Variants in BDH2 observed in about 807,000 individuals in gnomAD.
The protein encoded by BDH2 is dehydrogenase/reductase SDR family member 6.
BDH2 carries 24 observed loss-of-function variants against 33.2 expected under a neutral mutation model. That is an observed-to-expected ratio of 0.72 (90% CI 0.52 to 1.02). The LOEUF (loss-of-function observed/expected upper bound fraction) is 1.02. Among genes scored for constraint, BDH2 ranks in the 50% least tolerant of loss-of-function variants. The probability of loss-of-function intolerance (pLI) is 0.00; values close to 1 mark genes in which losing one functional copy is unlikely to be tolerated. For missense variants in BDH2, 249 were observed against 301.6 expected (o/e 0.83, Z 1.29); for synonymous variants, 81 against 101.6 (o/e 0.80, Z 1.22).
intron 3 of BDH2, among the ~76,000 whole-genome samples, chr4:103,093,544 T>C (rs1022623317): frequency 4.2e-4 from 63 of 149,088 alleles, no homozygotes; most frequent in Non-Finnish European, 8.3e-4. Context: ...ATATTATTTA[T>C]AATGTGCATA....
rs79440960 is a variant in BDH2 at position 103,082,941 on chromosome 4, G to C, written c.533-12C>G. 8.8e-5 allele frequency: 141 copies of C among 1,609,350 alleles called. No individual in the cohort carries two copies. In the East Asian group the frequency reaches 3.0e-3, roughly 34 times the overall value. ...CGTATCAACTGTTCCTAAATCAAAG[G>C]GGGATATTCAGCTTGGTTACTCACT... is the stretch of plus-strand genomic sequence containing the variant. On this transcript the variant is annotated splice_polypyrimidine_tract_variant and intron_variant, in intron 7 of 9. Transcript: ENST00000296424.
chr4:103,090,946 C>A (rs1272737386), intron 5 of BDH2, among the ~76,000 whole-genome samples: 1 of 152,160 alleles, frequency 6.6e-6, no homozygotes, highest in Non-Finnish European at 1.5e-5. Context: ...GTCTTCTGTG[C>A]CTAGAATGGA....
rs1182676600 is a variant in BDH2, at chr4:103,082,874, T to C, written c.588A>G (p.Glu196=). 6.2e-7 allele frequency: 1 copy of C among 1,609,222 alleles called. No homozygotes were observed. The highest frequency in any genetic ancestry group is 8.5e-7 in the Non-Finnish European group (1 of 1,175,678). Residue 196 remains glutamate (E), a synonymous_variant, in exon 8 of 10, where the codon GAA becomes GAG. Coordinates refer to ENST00000296424, the MANE Select transcript of BDH2 (RefSeq NM_020139.4). ...ACATTTTAAATGCTAGATGTACCTC[T>C]TCAGGATTTCCTCTGGCTTGTATTC... ...QERIQARGNP[E]EARNDFLKRQ...
intron 1 of BDH2, 87 bp from the exon 2 acceptor site, chr4:103,096,361 C>A: frequency 1.2e-6 from 1 of 800,086 alleles, no homozygotes; most frequent in Admixed American, 2.3e-5. Flanking sequence ...TCAGTGTGCT[C>A]TTTTAAGAAT....
chr4:103,080,387 A>G (rs1747448858), intron 9 of BDH2, among the ~76,000 whole-genome samples: 1 of 152,234 alleles, frequency 6.6e-6, no homozygotes, highest in African/African-American at 2.4e-5. Context: ...GTTTATTCCC[A>G]TAAATTTTTC....
chr4:103,079,837 T>A, intron 9 of BDH2, 82 bp from the exon 10 acceptor site: 1 of 1,291,976 alleles, frequency 7.7e-7, no homozygotes, highest in Non-Finnish European at 1.1e-6. Context: ...GTGACTAGGA[T>A]AACTAAACAA....
intron 3 of BDH2, among the ~76,000 whole-genome samples, chr4:103,092,897 C>T (rs552998395): frequency 9.2e-5 from 14 of 152,070 alleles, no homozygotes; most frequent in Non-Finnish European, 1.6e-4. Flanking sequence ...ATAACCCATC[C>T]GTCCCTCTTC....
intron 3 of BDH2, among the ~76,000 whole-genome samples, chr4:103,094,508 T>C (rs1278362320): frequency 6.6e-6 from 1 of 152,148 alleles, no homozygotes; most frequent in Non-Finnish European, 1.5e-5. Flanking sequence ...TCACAAGGTA[T>C]TTTACAACAT....
At position 103,078,793 on chromosome 4, in the gene BDH2, T is replaced by C. The variant is rs1747367580; in HGVS notation, c.*909A>G. On this transcript the variant is annotated 3_prime_UTR_variant, in exon 10 of 10. Transcript: ENST00000296424. ...TTATTATTTAGGTACAGGGTCTTGC[T>C]CTGTCACCCTGGAGTGCAGTGGCAT... 6.6e-6 allele frequency among the ~76,000 whole-genome samples: 1 copy of C among 152,128 alleles called. No individual in the cohort carries two copies. The highest frequency in any genetic ancestry group is 2.4e-5 in the African/African-American group (1 of 41,376).
intron 3 of BDH2, among the ~76,000 whole-genome samples, chr4:103,093,511 G>A (rs981344900): frequency 1.3e-5 from 2 of 150,710 alleles, no homozygotes; most frequent in Non-Finnish European, 1.5e-5. Flanking sequence ...AAAAGCAGCA[G>A]TCATCATTAT....
chr4:103,089,669 C>G (rs1339211683), intron 5 of BDH2, among the ~76,000 whole-genome samples: 2 of 152,166 alleles, frequency 1.3e-5, no homozygotes, highest in Non-Finnish European at 2.9e-5. Context: ...GCAAATGAGT[C>G]TCATGCATGT....
intron 3 of BDH2, 102 bp from the exon 4 acceptor site, chr4:103,092,798 A>G: frequency 6.1e-6 from 5 of 814,016 alleles, no homozygotes; most frequent in Non-Finnish European, 4.2e-6. Context: ...CTATCCAGCT[A>G]GGCTTCATAG....
At chr4:103,093,312 A>T (rs1748201805) in intron 3 of BDH2, among the ~76,000 whole-genome samples, 1 of 151,924 alleles carries the variant, frequency 6.6e-6, no homozygotes, top group South Asian at 2.1e-4. Context: ...ATTTATTAGA[A>T]ATGACTCTGT....
At chr4:103,080,627 C>A (rs927592098) in intron 9 of BDH2, among the ~76,000 whole-genome samples, 1 of 152,306 alleles carries the variant, frequency 6.6e-6, no homozygotes, top group South Asian at 2.1e-4. Context: ...CAAAGAAATA[C>A]CTCCAACTCC....
Position 103,095,271 on chromosome 4 carries a change from CT to C in BDH2, c.82del (p.Arg28GlufsTer7), listed in dbSNP as rs1190631319. The C allele has an allele frequency of 1.2e-6, 2 of 1,613,422 alleles. No homozygotes were observed. Among genetic ancestry groups the C allele is most frequent in the South Asian group, 1.1e-5 (1 of 91,070 alleles). Reference protein sequence around the residue: ...IGQAAALAFAREGAKVIATDI... With the variant: ...IGQAAALAFAXEGAKVIATDI... ...TGTGGCTATGACTTTGGCACCTTCT[CT>C]TGCAAAAGCCTAGTAGACACAAAGT... On this transcript the variant is annotated frameshift_variant, in exon 3 of 10. Transcript: ENST00000296424.
chr4:103,097,013 A>C (rs2125813430), intron 1 of BDH2, among the ~76,000 whole-genome samples: 1 of 152,154 alleles, frequency 6.6e-6, no homozygotes, highest in Middle Eastern at 3.4e-3. Context: ...CTCTTCCATA[A>C]ACTTTTGTTG....
chr4:103,081,681 C>G (rs1236474456), intron 9 of BDH2, among the ~76,000 whole-genome samples: 1 of 152,262 alleles, frequency 6.6e-6, no homozygotes, highest in Non-Finnish European at 1.5e-5. Flanking sequence ...CATGCGAATT[C>G]TGTGTCCACT....
At position 103,096,257 on chromosome 4, in the gene BDH2, T is replaced by A; in HGVS notation, c.-3A>T. ...ACTTTCCCATCAAGTCGACCCATAA[T>A]GGAACCTGTGGTTTAATCTAAAGAC... On this transcript the variant is annotated 5_prime_UTR_variant, in exon 2 of 10. Coordinates refer to ENST00000296424, the MANE Select transcript of BDH2 (RefSeq NM_020139.4). 6.2e-7 allele frequency: 1 copy of A among 1,613,252 alleles called. No homozygotes were observed. Among genetic ancestry groups the A allele is most frequent in the African/African-American group, 1.3e-5 (1 of 75,054 alleles).
intron 4 of BDH2, chr4:103,092,338 C>A: frequency 4.8e-6 from 2 of 419,732 alleles, no homozygotes; most frequent in Non-Finnish European, 8.6e-6. Context: ...AACTTCCATA[C>A]ATTGTAACAC....
Sources: allele counts gnomAD v4.1 joint callset (sites outside exome capture counted in the v4.1 genomes callset), GRCh38; gene constraint gnomAD v4.1.1; transcripts MANE v1.5; gene names NCBI Gene and HGNC (gene_info 2026-07-23, HGNC 2026-07-21).